The following WWOX variants were observed in gnomAD, a reference collection of about 807,000 sequenced individuals.
The protein encoded by WWOX is WW domain containing oxidoreductase.
In WWOX, 69 loss-of-function variants were observed where a neutral mutation model predicts 46.2. The ratio of observed to expected loss-of-function variants is 1.49; its 90% CI spans 1.23 to 1.82. The LOEUF is 1.82. WWOX is among the 40% of genes most tolerant of loss of function. The pLI is 0.00. For synonymous variants in WWOX, 359 were observed against 202.6 expected, an observed-to-expected ratio of 1.77 and a Z score of -6.56; for missense variants, 919 against 542.6, an observed-to-expected ratio of 1.69 and a Z score of -6.89.
chr16:78,785,637 C>A (rs2050437088), intron 8 of WWOX, among the ~76,000 whole-genome samples: 1 of 152,136 alleles, frequency 6.6e-6, no homozygotes, highest in Non-Finnish European at 1.5e-5. Context: ...CTGATTTTTG[C>A]TGCGCTATTA....
chr16:78,675,285 A>C (rs2047566009), intron 8 of WWOX, among the ~76,000 whole-genome samples: 1 of 152,204 alleles, frequency 6.6e-6, no homozygotes, highest in Non-Finnish European at 1.5e-5. Flanking sequence ...TCTTTAAGCT[A>C]CAGCTGTAAT....
At chr16:79,067,213 T>G (rs1371662425) in intron 8 of WWOX, among the ~76,000 whole-genome samples, 1 of 152,200 alleles carries the variant, frequency 6.6e-6, no homozygotes, top group Non-Finnish European at 1.5e-5. Flanking sequence ...TTCTGGTGAT[T>G]CTGATATTCA....
chr16:78,221,512 A>G (rs2036887882), intron 5 of WWOX, among the ~76,000 whole-genome samples: 1 of 152,172 alleles, frequency 6.6e-6, no homozygotes, highest in South Asian at 2.1e-4. Flanking sequence ...TTTTCCTTTT[A>G]TAAGAAAGGT....
chr16:78,110,099 T>G (rs1331803993), intron 3 of WWOX, among the ~76,000 whole-genome samples: 1 of 151,430 alleles, frequency 6.6e-6, no homozygotes, highest in Non-Finnish European at 1.5e-5. Flanking sequence ...CCCAGCACTT[T>G]GGGAGGTCGA....
At chr16:78,945,929 A>G (rs939199974) in intron 8 of WWOX, among the ~76,000 whole-genome samples, 2 of 151,946 alleles carry the variant, frequency 1.3e-5, no homozygotes, top group Admixed American at 1.3e-4. Flanking sequence ...TCATCTCACC[A>G]CGTAGTCATT....
At chr16:78,467,888 A>T (rs1471110211) in intron 8 of WWOX, among the ~76,000 whole-genome samples, 1 of 152,174 alleles carries the variant, frequency 6.6e-6, no homozygotes, top group Non-Finnish European at 1.5e-5. Context: ...AATGACTCCA[A>T]ACTCAGTGAT....
intron 6 of WWOX, among the ~76,000 whole-genome samples, chr16:78,411,047 G>A (rs1295677659): frequency 6.6e-6 from 1 of 152,134 alleles, no homozygotes. Flanking sequence ...AAGCAAGAGA[G>A]CAAGAACAGG....
chr16:78,290,246 C>T (rs1051303543), intron 5 of WWOX, among the ~76,000 whole-genome samples: 3 of 151,472 alleles, frequency 2.0e-5, no homozygotes, highest in African/African-American at 4.9e-5. Flanking sequence ...GAGCACTCTG[C>T]GAGCGGACAT....
At position 78,138,321 on chromosome 16, in the gene WWOX, C is replaced by T. The variant is rs762978389; in HGVS notation, c.409+23167C>T. Among the ~76,000 whole-genome samples the T allele has an allele frequency of 1.3e-4, 19 of 150,708 alleles. 2 individuals carry two copies. Among genetic ancestry groups the T allele is most frequent in the Non-Finnish European group, 1.9e-4 (13 of 67,640 alleles). ...AGAGCCATGCTATGATGCTTGCCAA[C>T]GGATATTTAAAACATGTAACTGATT... On this transcript the variant is annotated intron_variant, in intron 4 of 8. Coordinates refer to ENST00000566780, the MANE Select transcript of WWOX (RefSeq NM_016373.4).
At chr16:78,473,776 G>C (rs1051964237) in intron 8 of WWOX, among the ~76,000 whole-genome samples, 2 of 152,116 alleles carry the variant, frequency 1.3e-5, no homozygotes, top group Non-Finnish European at 2.9e-5. Flanking sequence ...AGATACGGCA[G>C]CCCACCAGTG....
intron 8 of WWOX, among the ~76,000 whole-genome samples, chr16:78,690,012 C>T (rs551982860): frequency 2.4e-4 from 36 of 152,160 alleles, no homozygotes; most frequent in Non-Finnish European, 4.7e-4. Flanking sequence ...AGGTGCCCGC[C>T]CCCATGCCCA....
chr16:78,424,776 T>C, intron 6 of WWOX, 94 bp from the exon 7 acceptor site: 1 of 1,389,008 alleles, frequency 7.2e-7, no homozygotes, highest in Non-Finnish European at 1.0e-6. Flanking sequence ...GGTTGTAGTG[T>C]TTATGTCCAC....
intron 8 of WWOX, among the ~76,000 whole-genome samples, chr16:78,961,958 G>C (rs1567441163): frequency 6.6e-6 from 1 of 152,298 alleles, no homozygotes; most frequent in South Asian, 2.1e-4. Context: ...GATGGACCCA[G>C]CAGCCAAGTC....
rs1191034734 is a variant in WWOX at position 78,217,509 on chromosome 16, TG to T, written c.516+53222del. ...ATGGAATATTGCTGTTCCTAAATCC[TG>T]GCTGTGTTGAGACATGTGATCCTGC... On this transcript the variant is annotated intron_variant, in intron 5 of 8. Coordinates refer to ENST00000566780, the MANE Select transcript of WWOX (RefSeq NM_016373.4). Among the ~76,000 whole-genome samples the T allele has an allele frequency of 2.6e-5, 4 of 152,194 alleles. No homozygotes were observed. In the East Asian group the frequency reaches 7.7e-4, roughly 29 times the overall value.
chr16:78,963,057 A>C (rs75429424), intron 8 of WWOX, among the ~76,000 whole-genome samples: 3 of 152,324 alleles, frequency 2.0e-5, no homozygotes, highest in Non-Finnish European at 4.4e-5. Context: ...AAAGAATTGT[A>C]CTGTAAGTAC....
At chr16:78,889,256 A>G (rs971581424) in intron 8 of WWOX, among the ~76,000 whole-genome samples, 1 of 152,144 alleles carries the variant, frequency 6.6e-6, no homozygotes, top group Non-Finnish European at 1.5e-5. Flanking sequence ...TCATTCATTT[A>G]TATATTGTTC....
chr16:79,189,240 A>T (rs1224688620), intron 8 of WWOX, among the ~76,000 whole-genome samples: 2 of 151,860 alleles, frequency 1.3e-5, no homozygotes, highest in Non-Finnish European at 2.9e-5. Flanking sequence ...TCTATTAGGA[A>T]AGCCTATTTC....
intron 8 of WWOX, among the ~76,000 whole-genome samples, chr16:78,593,206 G>GT (rs2045392262): frequency 9.3e-6 from 1 of 107,680 alleles, no homozygotes; most frequent in Admixed American, 1.1e-4. Flanking sequence ...ACTTGATCCT[G>GT]ATTTTTTTTT....
chr16:79,077,895 G>A (rs2048689362), intron 8 of WWOX: 1 of 152,158 alleles, frequency 6.6e-6, no homozygotes, highest in African/African-American at 2.4e-5. Context: ...ACTCTCCCGA[G>A]AGGCATTGTG....
Sources: allele counts gnomAD v4.1 joint callset (sites outside exome capture counted in the v4.1 genomes callset), GRCh38; gene constraint gnomAD v4.1.1; transcripts MANE v1.5; gene names NCBI Gene and HGNC (gene_info 2026-07-23, HGNC 2026-07-21).